LRRC4C: variants seen among roughly 807,000 people sequenced by gnomAD.
The protein encoded by LRRC4C is leucine-rich repeat-containing protein 4C.
LRRC4C carries 5 observed loss-of-function variants against 33.6 expected under a neutral mutation model. That is an observed-to-expected ratio of 0.15 (90% CI 0.08 to 0.31). The LOEUF is 0.31. Among genes scored for constraint, LRRC4C ranks in the 10% least tolerant of loss-of-function variants. The pLI is 1.00. For missense variants in LRRC4C, 560 were observed against 796.7 expected (o/e 0.70, Z 3.58); for synonymous variants, 329 against 302.0 (o/e 1.09, Z -0.93).
chr11:41,297,528 T>C (rs1015608229), intron 1 of LRRC4C, among the ~76,000 whole-genome samples: 4 of 152,192 alleles, frequency 2.6e-5, no homozygotes, highest in Non-Finnish European at 5.9e-5. Context: ...GTCACCTTAG[T>C]ATTGAATAAA....
chr11:41,231,547 A>G (rs972889451), intron 1 of LRRC4C, among the ~76,000 whole-genome samples: 1 of 143,972 alleles, frequency 6.9e-6, no homozygotes, highest in Admixed American at 7.0e-5. Flanking sequence ...GTTCTCACTC[A>G]TAGGTGGGAA....
chr11:41,143,125 T>C (rs1040420024), intron 1 of LRRC4C, among the ~76,000 whole-genome samples: 9 of 151,928 alleles, frequency 5.9e-5, no homozygotes, highest in African/African-American at 2.2e-4. Context: ...TGTCCTTCTA[T>C]GGAAAGTGCC....
chr11:40,792,056 T>A (rs2135168024), intron 2 of LRRC4C, among the ~76,000 whole-genome samples: 1 of 152,312 alleles, frequency 6.6e-6, no homozygotes, highest in African/African-American at 2.4e-5. Context: ...ACTTTTAGTT[T>A]GAACTTTTTT....
At chr11:40,499,409 C>T (rs1954632005) in intron 3 of LRRC4C, among the ~76,000 whole-genome samples, 1 of 152,216 alleles carries the variant, frequency 6.6e-6, no homozygotes, top group Non-Finnish European at 1.5e-5. Context: ...CTGGTCTCTA[C>T]TCCAAAGTAA....
chr11:40,192,430 A>G (rs1036016924), intron 5 of LRRC4C, among the ~76,000 whole-genome samples: 1 of 152,178 alleles, frequency 6.6e-6, no homozygotes, highest in Non-Finnish European at 1.5e-5. Flanking sequence ...CCCAGATACC[A>G]TGTTTATCTC....
intron 2 of LRRC4C, among the ~76,000 whole-genome samples, chr11:40,657,801 C>A (rs1366954960): frequency 6.6e-6 from 1 of 152,200 alleles, no homozygotes; most frequent in Non-Finnish European, 1.5e-5. Flanking sequence ...GGGTCCTCAA[C>A]CTTGGCAAAA....
At chr11:41,292,911 G>A (rs549710726) in intron 1 of LRRC4C, among the ~76,000 whole-genome samples, 61 of 152,126 alleles carry the variant, frequency 4.0e-4, no homozygotes, top group Non-Finnish European at 7.2e-4. Flanking sequence ...TCTAATTTAG[G>A]AAACACTGTG....
chr11:41,375,138 A>C (rs531851536), intron 1 of LRRC4C, among the ~76,000 whole-genome samples: 2 of 152,316 alleles, frequency 1.3e-5, no homozygotes, highest in East Asian at 3.9e-4. Context: ...AAAATAAATA[A>C]ATAGACTATT....
At chr11:41,272,408 T>C (rs1376493125) in intron 1 of LRRC4C, among the ~76,000 whole-genome samples, 1 of 152,092 alleles carries the variant, frequency 6.6e-6, no homozygotes, top group Non-Finnish European at 1.5e-5. Context: ...GGACTATGTT[T>C]AGCATTTCTG....
At chr11:40,276,081 A>T (rs1454024957) in intron 4 of LRRC4C, among the ~76,000 whole-genome samples, 4 of 152,188 alleles carry the variant, frequency 2.6e-5, no homozygotes, top group Non-Finnish European at 5.9e-5. Context: ...GATTTTGATT[A>T]CAGGGCCTGG....
At chr11:40,758,808 A>G (rs1949065572) in intron 2 of LRRC4C, among the ~76,000 whole-genome samples, 2 of 151,996 alleles carry the variant, frequency 1.3e-5, no homozygotes, top group Non-Finnish European at 2.9e-5. Context: ...TCAACTGTCA[A>G]AATCTGGAAC....
intron 1 of LRRC4C, among the ~76,000 whole-genome samples, chr11:41,046,973 G>A (rs1303334499): frequency 6.6e-6 from 1 of 152,066 alleles, no homozygotes; most frequent in African/African-American, 2.4e-5. Flanking sequence ...TTTTGGATAT[G>A]ACATCAAAAG....
intron 1 of LRRC4C, among the ~76,000 whole-genome samples, chr11:41,037,109 G>C (rs528068556): frequency 6.6e-5 from 10 of 151,742 alleles, no homozygotes; most frequent in African/African-American, 9.7e-5. Context: ...CCTTACGCAG[G>C]CTGGGCCATC....
At chr11:40,391,093 G>A (rs1242297308) in intron 3 of LRRC4C, among the ~76,000 whole-genome samples, 1 of 152,064 alleles carries the variant, frequency 6.6e-6, no homozygotes, top group Non-Finnish European at 1.5e-5. Flanking sequence ...GGGTGGCCAG[G>A]CTGGTCTTGA....
chr11:40,665,343 T>TATAC (rs1555139929), intron 2 of LRRC4C, among the ~76,000 whole-genome samples: 6 of 15,148 alleles, frequency 4.0e-4, no homozygotes, highest in East Asian at 2.6e-3. Flanking sequence ...TATATATATA[T>TATAC]ATATATATAT....
rs536131424 is a variant in LRRC4C at position 41,298,272 on chromosome 11, A to G, written c.-496+161159T>C. ...AATTACAGACAGAAGAAAGAGATAA[A>G]AGAAGGGAAGAAGGTCTCTCTCCTA... is the stretch of plus-strand genomic sequence containing the variant. On this transcript the variant is annotated intron_variant, in intron 1 of 6. Coordinates refer to ENST00000528697, the MANE Select transcript of LRRC4C (RefSeq NM_001258419.2). Among the ~76,000 whole-genome samples, 12 of 152,270 alleles carry G rather than the reference A, an allele frequency of 7.9e-5. No individual in the cohort carries two copies. In the East Asian group the frequency reaches 2.3e-3, roughly 29 times the overall value.
chr11:40,690,247 C>A (rs1945164761), intron 2 of LRRC4C, among the ~76,000 whole-genome samples: 1 of 152,004 alleles, frequency 6.6e-6, no homozygotes, highest in South Asian at 2.1e-4. Flanking sequence ...TGATTTAATT[C>A]TATGTGGTAG....
chr11:40,955,984 A>G (rs1357729855), intron 1 of LRRC4C, among the ~76,000 whole-genome samples: 1 of 151,820 alleles, frequency 6.6e-6, no homozygotes, highest in East Asian at 1.9e-4. Flanking sequence ...TCAAATTAGA[A>G]TTCAAGGTCA....
chr11:41,113,751 C>T (rs1365113150), intron 1 of LRRC4C, among the ~76,000 whole-genome samples: 1 of 152,010 alleles, frequency 6.6e-6, no homozygotes, highest in African/African-American at 2.4e-5. Flanking sequence ...GGATTCTGAC[C>T]ATTGCACTAA....
Sources: gnomAD v4.1 joint callset for allele counts (sites outside exome capture counted in the v4.1 genomes callset) on GRCh38, gnomAD v4.1.1 for gene constraint, MANE v1.5 for transcripts, NCBI Gene and HGNC (gene_info 2026-07-23, HGNC 2026-07-21) for gene names.